The following LRIG2 variants were observed in gnomAD, a reference collection of about 807,000 sequenced individuals.
LRIG2 encodes the protein leucine-rich repeats and immunoglobulin-like domains protein 2.
In LRIG2, 93 loss-of-function variants were observed where a neutral mutation model predicts 107.8. That is an observed-to-expected ratio of 0.86 (90% CI 0.73 to 1.03). LRIG2 has a LOEUF of 1.03. Among genes scored for constraint, LRIG2 ranks in the 50% least tolerant of loss-of-function variants. The pLI is 0.00. For missense variants in LRIG2, 1,226 were observed against 1,296.0 expected (o/e 0.95, Z 0.83); for synonymous variants, 471 against 470.6 (o/e 1.00, Z -0.01).
intron 1 of LRIG2, among the ~76,000 whole-genome samples, chr1:113,074,595 C>G (rs1652868506): frequency 6.6e-6 from 1 of 152,174 alleles, no homozygotes; most frequent in South Asian, 2.1e-4. Context: ...TGACAGATTT[C>G]TGATGGAGTC....
rs199840665 is a variant in LRIG2, at chr1:113,106,160, G to A, written c.1314-1434G>A. 1.6e-4 allele frequency among the ~76,000 whole-genome samples: 25 copies of A among 152,072 alleles called. No homozygotes were observed. The East Asian group carries it at 3.7e-3, about 23-fold the overall frequency. On this transcript the variant is annotated intron_variant, in intron 11 of 17. Transcript: ENST00000361127. ...GGAGAATCGCTTGAACCCGGGAGGC[G>A]GAGGTTGCAGTGGGCCGAGATTGCG...
At chr1:113,113,519 TAAG>T (rs1654862688) in intron 14 of LRIG2, among the ~76,000 whole-genome samples, 1 of 145,630 alleles carries the variant, frequency 6.9e-6, no homozygotes, top group Non-Finnish European at 1.5e-5. Context: ...ACCAGAAAAA[TAAG>T]AAGTCATTTA....
chr1:113,084,507 G>A (rs1047153126), intron 1 of LRIG2, among the ~76,000 whole-genome samples: 39 of 152,050 alleles, frequency 2.6e-4, no homozygotes, highest in African/African-American at 8.9e-4. Flanking sequence ...GAGCCACCGC[G>A]CCCGGCATAC....
rs1253223081 is a variant in LRIG2, at chr1:113,120,426, C to A, written c.2971+903C>A. On this transcript the variant is annotated intron_variant, in intron 17 of 17. Transcript: ENST00000361127. The stretch of plus-strand genomic sequence containing the variant: ...TCGTGCCACTGCACTCCAGCCTGGG[C>A]AACAGAGTGAGACTCTGTCTCCAAA... 2.0e-5 allele frequency among the ~76,000 whole-genome samples: 3 copies of A among 151,096 alleles called. No homozygotes were observed. The East Asian group carries it at 5.9e-4, about 30-fold the overall frequency.
intron 1 of LRIG2, among the ~76,000 whole-genome samples, chr1:113,084,458 G>A (rs926988420): frequency 6.6e-5 from 10 of 151,718 alleles, no homozygotes; most frequent in African/African-American, 9.7e-5. Flanking sequence ...CTTGTGATCC[G>A]CCCGCCTCGG....
intron 1 of LRIG2, among the ~76,000 whole-genome samples, chr1:113,089,130 G>T (rs2101028733): frequency 6.6e-6 from 1 of 152,302 alleles, no homozygotes; most frequent in Admixed American, 6.5e-5. Context: ...GTTCTAATGT[G>T]ATAGAGACAT....
At chr1:113,100,584 G>A (rs1322922616) in intron 11 of LRIG2, 96 bp downstream of exon 11, 1 of 693,894 alleles carries the variant, frequency 1.4e-6, no homozygotes, top group Non-Finnish European at 2.5e-6. Context: ...ATTTCCAAAA[G>A]CACACAGTTC....
intron 6 of LRIG2, among the ~76,000 whole-genome samples, chr1:113,095,468 GCA>G (rs1273340086): frequency 6.6e-6 from 1 of 151,876 alleles, no homozygotes; most frequent in Non-Finnish European, 1.5e-5. Context: ...GAGTGCAGTG[GCA>G]CAGTCTCGGC....
chr1:113,112,271 C>T (rs1176282835), intron 13 of LRIG2, among the ~76,000 whole-genome samples: 1 of 152,096 alleles, frequency 6.6e-6, no homozygotes, highest in Non-Finnish European at 1.5e-5. Context: ...CCCGCCTGGA[C>T]AGCAGAGCAA....
chr1:113,089,476 T>C (rs1653695521), intron 1 of LRIG2, among the ~76,000 whole-genome samples: 1 of 152,198 alleles, frequency 6.6e-6, no homozygotes, highest in South Asian at 2.1e-4. Context: ...ATCAGTGATC[T>C]TTCTATGCCT....
At position 113,128,186 on chromosome 1, in the gene LRIG2, A is replaced by G. The variant is rs1655561519; in HGVS notation, c.*4085A>G. 1 of 152,172 alleles carries G rather than the reference A, an allele frequency of 6.6e-6. No individual in the cohort carries two copies. 9.4% of individuals were successfully genotyped at this position (152,172 alleles called of 1,614,324 possible). ...TCCTAAGTGTTCTCCCATGGGCAGC[A>G]GCACTTCTTGAGCTGTTTAGTACTG... On this transcript the variant is annotated 3_prime_UTR_variant, in exon 18 of 18. Coordinates refer to ENST00000361127, the MANE Select transcript of LRIG2 (RefSeq NM_014813.3).
intron 1 of LRIG2, among the ~76,000 whole-genome samples, chr1:113,087,666 T>C (rs1254665374): frequency 2.0e-5 from 3 of 152,306 alleles, no homozygotes; most frequent in Non-Finnish European, 4.4e-5. Flanking sequence ...CTTCATATTT[T>C]AGTCTTCTGT....
At position 113,125,913 on chromosome 1, in the gene LRIG2, C is replaced by CTGAG. The variant is rs1655469270; in HGVS notation, c.*1814_*1817dup. On this transcript the variant is annotated 3_prime_UTR_variant, in exon 18 of 18. Coordinates refer to ENST00000361127, the MANE Select transcript of LRIG2 (RefSeq NM_014813.3). ...TGCTCAGAATGTGAAAATATTATTT[C>CTGAG]TGAGTTCTCTTTGTTCACTTTCTAA... The CTGAG allele has an allele frequency of 6.6e-6, 1 of 152,196 alleles. No homozygotes were observed. The allele number at this position is 152,196 out of a possible 1,614,324, so 9.4% of individuals were successfully genotyped here.
At chr1:113,107,889 T>C in intron 12 of LRIG2, 132 bp downstream of exon 12, 1 of 759,982 alleles carries the variant, frequency 1.3e-6, no homozygotes, top group Admixed American at 3.3e-5. Context: ...TTAAAAATGA[T>C]CACAGGCATT....
At chr1:113,106,630 A>G (rs1269971743) in intron 11 of LRIG2, among the ~76,000 whole-genome samples, 2 of 151,904 alleles carry the variant, frequency 1.3e-5, no homozygotes, top group South Asian at 2.1e-4. Context: ...TCAGCCTACC[A>G]AGTAGCTGGG....
intron 11 of LRIG2, among the ~76,000 whole-genome samples, chr1:113,104,215 T>C (rs1654436079): frequency 2.6e-5 from 4 of 152,182 alleles, no homozygotes; most frequent in Admixed American, 1.3e-4. Flanking sequence ...CCAGTTCCCT[T>C]GAGCCCTTTG....
rs201158223 is a variant in LRIG2, at chr1:113,116,448, G to A, written c.2680+12G>A. On this transcript the variant is annotated intron_variant, in intron 16 of 17. Coordinates refer to ENST00000361127, the MANE Select transcript of LRIG2 (RefSeq NM_014813.3). ...CAAAGGCACTGACGGTAATGACTCT[G>A]TTGTTTATGGTTACAATTTCAGCCT... 1,455 of 1,378,368 alleles carry A rather than the reference G, an allele frequency of 1.1e-3. 2 individuals are homozygous for A. Among genetic ancestry groups the A allele is most frequent in the Non-Finnish European group, 1.2e-3 (1,200 of 1,020,906 alleles). The allele number at this position is 1,378,368 out of a possible 1,614,324, so 85.4% of individuals were successfully genotyped here. A position where few individuals can be genotyped will look rare whatever the true frequency, so the allele number is the denominator to read the frequency against.
In LRIG2 at chr1:113,100,226, C is replaced by T; in HGVS notation, c.1188C>T (p.Asn396=). ...TATATTTCAGAATCTTACAAGGAAA[C>T]CAGATTAAGTCAATTACAAAGAAAG... ...TSLTKLILQG[N]QIKSITKKAF... is the part of the protein sequence containing the mutation. Residue 396 remains asparagine, a synonymous_variant, in exon 10 of 18, where the codon AAC becomes AAT. Transcript: ENST00000361127. 13 of 1,578,374 alleles carry T rather than the reference C, an allele frequency of 8.2e-6. No homozygotes were observed. Among genetic ancestry groups the T allele is most frequent in the Non-Finnish European group, 1.1e-5 (13 of 1,154,492 alleles).
rs3930848 is a variant in LRIG2, at chr1:113,089,749, T to G, written c.240-1569T>G. Reference sequence around the variant, plus strand: ...GAGGCTGGAGTGCAGTGGTGCAATCTTGGCTCACTACAACCTCACTACAAC... The same window carrying G: ...GAGGCTGGAGTGCAGTGGTGCAATCGTGGCTCACTACAACCTCACTACAAC... On this transcript the variant is annotated intron_variant, in intron 1 of 17. Transcript: ENST00000361127. 5.8e-3 allele frequency among the ~76,000 whole-genome samples: 766 copies of G among 131,704 alleles called. 9 individuals are homozygous for G. The highest frequency in any genetic ancestry group is 0.02 in the African/African-American group (746 of 37,114). 86.4% of individuals were successfully genotyped at this position (131,704 alleles called of 152,430 possible). A position where few individuals can be genotyped will look rare whatever the true frequency, so the allele number is the denominator to read the frequency against.
Sources: gnomAD v4.1 joint callset for allele counts (sites outside exome capture counted in the v4.1 genomes callset) on GRCh38, gnomAD v4.1.1 for gene constraint, MANE v1.5 for transcripts, NCBI Gene and HGNC (gene_info 2026-07-23, HGNC 2026-07-21) for gene names.